The following IMMP2L variants were observed in gnomAD, a reference collection of about 807,000 sequenced individuals.
IMMP2L encodes mitochondrial inner membrane protease subunit 2.
A neutral mutation model predicts 19.3 loss-of-function variants in IMMP2L; 18 were observed. The ratio of observed to expected loss-of-function variants is 0.93; its 90% CI spans 0.64 to 1.38. The LOEUF (loss-of-function observed/expected upper bound fraction) is 1.38. Among genes scored for constraint, IMMP2L ranks in the 40% most tolerant of loss-of-function variants. The probability of loss-of-function intolerance (pLI) is 0.00; values close to 1 mark genes in which losing one functional copy is unlikely to be tolerated. For synonymous variants in IMMP2L, 76 were observed against 73.0 expected (o/e 1.04, Z -0.21); for missense variants, 233 against 218.2 (o/e 1.07, Z -0.43).
At chr7:110,826,581 G>C (rs533944520) in intron 5 of IMMP2L, among the ~76,000 whole-genome samples, 14 of 152,108 alleles carry the variant, frequency 9.2e-5, no homozygotes, top group African/African-American at 2.7e-4. Flanking sequence ...GCAAACTATC[G>C]CAAGGACAGA....
At chr7:111,273,105 C>G (rs1333897275) in intron 3 of IMMP2L, among the ~76,000 whole-genome samples, 1 of 151,934 alleles carries the variant, frequency 6.6e-6, no homozygotes, top group Non-Finnish European at 1.5e-5. Flanking sequence ...TGGTGAAACC[C>G]CATCTCTACT....
intron 3 of IMMP2L, among the ~76,000 whole-genome samples, chr7:111,109,234 A>G: frequency 6.6e-6 from 1 of 152,124 alleles, no homozygotes; most frequent in Non-Finnish European, 1.5e-5. Context: ...TACATGATAA[A>G]CCATTAACTT....
At chr7:111,410,095 G>A (rs530584481) in intron 3 of IMMP2L, among the ~76,000 whole-genome samples, 1 of 151,934 alleles carries the variant, frequency 6.6e-6, no homozygotes, top group African/African-American at 2.4e-5. Context: ...ATAGGAATCT[G>A]TGCTGCATAG....
chr7:111,243,335 C>G (rs1023510523), intron 3 of IMMP2L, among the ~76,000 whole-genome samples: 49 of 152,116 alleles, frequency 3.2e-4, no homozygotes, highest in Non-Finnish European at 6.2e-4. Context: ...ATAACTGAGG[C>G]ATGTTGACAG....
At chr7:111,500,832 T>C (rs1266725582) in intron 2 of IMMP2L, among the ~76,000 whole-genome samples, 1 of 151,998 alleles carries the variant, frequency 6.6e-6, no homozygotes, top group South Asian at 2.1e-4. Context: ...TACGTCACCA[T>C]CATCAAAGAC....
intron 3 of IMMP2L, among the ~76,000 whole-genome samples, chr7:111,160,029 G>A (rs923281200): frequency 2.0e-5 from 3 of 152,102 alleles, no homozygotes; most frequent in African/African-American, 7.2e-5. Flanking sequence ...TAAATCATAT[G>A]ATTCTTAAGG....
chr7:110,888,970 A>G (rs777211299), intron 4 of IMMP2L, among the ~76,000 whole-genome samples: 1 of 152,222 alleles, frequency 6.6e-6, no homozygotes, highest in Non-Finnish European at 1.5e-5. Context: ...ATACTGCCAT[A>G]AAGGCAGAAT....
intron 3 of IMMP2L, among the ~76,000 whole-genome samples, chr7:111,340,269 GA>G (rs1826881047): frequency 6.6e-6 from 1 of 151,934 alleles, no homozygotes; most frequent in South Asian, 2.1e-4. Flanking sequence ...TTCTGTTACA[GA>G]CTTCTTTGTA....
intron 3 of IMMP2L, among the ~76,000 whole-genome samples, chr7:111,302,648 A>T (rs1822395870): frequency 6.6e-6 from 1 of 152,140 alleles, no homozygotes; most frequent in African/African-American, 2.4e-5. Context: ...ACATCTACTA[A>T]AAGAGCATTA....
At chr7:111,274,875 A>G (rs1393445734) in intron 3 of IMMP2L, among the ~76,000 whole-genome samples, 2 of 152,188 alleles carry the variant, frequency 1.3e-5, no homozygotes. Flanking sequence ...GAATTAACAG[A>G]GTGCAGACAT....
At chr7:111,439,472 G>A (rs937674168) in intron 3 of IMMP2L, among the ~76,000 whole-genome samples, 1 of 151,910 alleles carries the variant, frequency 6.6e-6, no homozygotes, top group East Asian at 1.9e-4. Context: ...CGAATTTTTT[G>A]GTTTCACAGT....
chr7:111,510,660 C>A (rs1845360699), intron 2 of IMMP2L, among the ~76,000 whole-genome samples: 1 of 152,050 alleles, frequency 6.6e-6, no homozygotes, highest in South Asian at 2.1e-4. Context: ...ACCAGGCAAC[C>A]AGGGACCACC....
At chr7:111,294,590 A>G (rs1053911975) in intron 3 of IMMP2L, among the ~76,000 whole-genome samples, 1 of 151,866 alleles carries the variant, frequency 6.6e-6, no homozygotes, top group African/African-American at 2.4e-5. Context: ...ATTTTGAGCA[A>G]CCGTGGCAAC....
chr7:111,350,271 G>A (rs1209774088), intron 3 of IMMP2L, among the ~76,000 whole-genome samples: 1 of 151,460 alleles, frequency 6.6e-6, no homozygotes, highest in East Asian at 1.9e-4. Context: ...TGGCCCAGAT[G>A]TTCCCTTCTT....
At chr7:111,385,855 GA>G (rs1026400431) in intron 3 of IMMP2L, among the ~76,000 whole-genome samples, 1 of 152,000 alleles carries the variant, frequency 6.6e-6, no homozygotes, top group Non-Finnish European at 1.5e-5. Context: ...CTACTAATCA[GA>G]AATAAGATTT....
At chr7:111,558,336 C>A (rs1791617573) in intron 1 of IMMP2L, among the ~76,000 whole-genome samples, 1 of 152,146 alleles carries the variant, frequency 6.6e-6, no homozygotes, top group African/African-American at 2.4e-5. Flanking sequence ...AGGTCCAGGC[C>A]AGTGACTTAA....
At chr7:110,945,035 A>G (rs60109910) in intron 4 of IMMP2L, among the ~76,000 whole-genome samples, 17,878 of 151,842 alleles carry the variant, frequency 0.12, 1,820 homozygotes, top group African/African-American at 0.27. Flanking sequence ...CCAGGCAAAA[A>G]CAAAACAAAG....
chr7:111,441,560 T>A (rs1451905604), intron 3 of IMMP2L, among the ~76,000 whole-genome samples: 2 of 151,544 alleles, frequency 1.3e-5, no homozygotes, highest in Non-Finnish European at 2.9e-5. Context: ...ACATCAAAAA[T>A]CACTGATTAT....
intron 3 of IMMP2L, among the ~76,000 whole-genome samples, chr7:111,115,465 AC>A (rs1799763748): frequency 6.6e-6 from 1 of 152,074 alleles, no homozygotes; most frequent in Non-Finnish European, 1.5e-5. Flanking sequence ...TTATGAGTAT[AC>A]AGAAATGACT....
Sources: gnomAD v4.1 joint callset for allele counts (sites outside exome capture counted in the v4.1 genomes callset) on GRCh38, gnomAD v4.1.1 for gene constraint, MANE v1.5 for transcripts, NCBI Gene and HGNC (gene_info 2026-07-23, HGNC 2026-07-21) for gene names.